Variants in TFCP2L1 observed in about 807,000 individuals in gnomAD.
The protein encoded by TFCP2L1 is transcription factor CP2-like protein 1.
Under a neutral mutation model 72.2 loss-of-function variants are expected in TFCP2L1, and 12 were observed. That is an observed-to-expected ratio of 0.17 (90% confidence interval 0.11 to 0.27). The LOEUF is 0.27. TFCP2L1 is among the 10% of genes least tolerant of loss of function. The pLI is 1.00. For missense variants in TFCP2L1, 488 were observed against 624.6 expected, an observed-to-expected ratio of 0.78 and a Z score of 2.33; for synonymous variants, 260 against 251.0, an observed-to-expected ratio of 1.04 and a Z score of -0.34.
intron 6 of TFCP2L1, among the ~76,000 whole-genome samples, chr2:121,243,864 A>T (rs1455728247): frequency 1.3e-5 from 2 of 152,194 alleles, no homozygotes; most frequent in Non-Finnish European, 2.9e-5. Flanking sequence ...AGTGCACAAC[A>T]AATGTAATGC....
intron 2 of TFCP2L1, among the ~76,000 whole-genome samples, chr2:121,251,518 A>G (rs936748297): frequency 6.6e-6 from 1 of 152,238 alleles, no homozygotes; most frequent in Non-Finnish European, 1.5e-5. Flanking sequence ...ATTGGATTAA[A>G]AAGTCAATTT....
chr2:121,256,871 G>A (rs1459601287), intron 2 of TFCP2L1, among the ~76,000 whole-genome samples: 3 of 152,214 alleles, frequency 2.0e-5, no homozygotes, highest in Admixed American at 1.3e-4. Context: ...CAGGAGAACC[G>A]CTTGAACCCG....
Position 121,246,764 on chromosome 2 carries a change from G to T in TFCP2L1, c.657+54C>A. 1.9e-6 allele frequency: 3 copies of T among 1,606,226 alleles called. No homozygotes were observed. In the South Asian group the frequency reaches 3.3e-5, roughly 18 times the overall value. Reference sequence around the variant, plus strand: ...CTCCAGGGTCTCTGTGGGCGAATGTGACCACAGGCCAGGCCAGCAGCAGGG... The same window carrying T: ...CTCCAGGGTCTCTGTGGGCGAATGTTACCACAGGCCAGGCCAGCAGCAGGG... On this transcript the variant is annotated intron_variant, in intron 6 of 14. Transcript: ENST00000263707.
At chr2:121,235,413 G>A in intron 10 of TFCP2L1, 102 bp from the exon 11 acceptor site, 40 of 1,101,308 alleles carry the variant, frequency 3.6e-5, no homozygotes, top group South Asian at 9.6e-5. Flanking sequence ...TGGGGGGTGG[G>A]GAAGAGCCAG....
rs1685868745 is a variant in TFCP2L1 at position 121,218,255 on chromosome 2, C to T, written c.*6086G>A. The T allele has an allele frequency of 6.6e-6, 1 of 152,136 alleles. No individual in the cohort carries two copies. The highest frequency in any genetic ancestry group is 1.5e-5 in the Non-Finnish European group (1 of 68,024). 9.4% of individuals were successfully genotyped at this position (152,136 alleles called of 1,614,324 possible). On this transcript the variant is annotated 3_prime_UTR_variant, in exon 15 of 15. Transcript: ENST00000263707. ...AAATCCAAAATACAATAATTGAGTA[C>T]ATATTTTTGGTAAATACATGTCTAC... is the stretch of plus-strand genomic sequence containing the variant.
intron 8 of TFCP2L1, among the ~76,000 whole-genome samples, chr2:121,238,142 C>T (rs7594148): frequency 0.14 from 21,234 of 152,126 alleles, 3,149 homozygotes; most frequent in African/African-American, 0.37. Flanking sequence ...CAGGCCCCTG[C>T]TGGCTGACCC....
intron 12 of TFCP2L1, 60 bp downstream of exon 12, chr2:121,234,031 C>T (rs557709877): frequency 6.7e-7 from 1 of 1,490,038 alleles, no homozygotes; most frequent in Admixed American, 1.7e-5. Flanking sequence ...AGACTGCGGG[C>T]TTGAAAGCCA....
intron 2 of TFCP2L1, among the ~76,000 whole-genome samples, chr2:121,276,668 T>C (rs1687154501): frequency 1.3e-5 from 2 of 150,678 alleles, no homozygotes; most frequent in South Asian, 4.2e-4. Flanking sequence ...ACAAAAAAAG[T>C]TTCAGAATTG....
At chr2:121,225,475 G>T in intron 14 of TFCP2L1, 87 bp downstream of exon 14, 2 of 1,276,336 alleles carry the variant, frequency 1.6e-6, no homozygotes, top group Non-Finnish European at 2.3e-6. Context: ...TCCCAGGTCA[G>T]CACTCTCTGG....
Position 121,217,916 on chromosome 2 carries a change from G to C in TFCP2L1, c.*6425C>G, listed in dbSNP as rs1377021637. The C allele has an allele frequency of 2.6e-5, 4 of 152,260 alleles. No homozygotes were observed. Among genetic ancestry groups the C allele is most frequent in the Non-Finnish European group, 4.4e-5 (3 of 68,056 alleles). 9.4% of individuals were successfully genotyped at this position (152,260 alleles called of 1,614,324 possible). On this transcript the variant is annotated 3_prime_UTR_variant, in exon 15 of 15. Transcript: ENST00000263707. Reference sequence around the variant, plus strand: ...CAGCTGAAGCACCAGAACCTTCCAAGGGGGGCTCGCCAGCCACACAGGACA... The same window carrying C: ...CAGCTGAAGCACCAGAACCTTCCAACGGGGGCTCGCCAGCCACACAGGACA...
intron 6 of TFCP2L1, among the ~76,000 whole-genome samples, chr2:121,246,162 T>C (rs1686476644): frequency 6.6e-6 from 1 of 152,186 alleles, no homozygotes. Context: ...GCCCTGAGAA[T>C]GATGCAAGCT....
intron 2 of TFCP2L1, among the ~76,000 whole-genome samples, chr2:121,251,331 A>C (rs781154630): frequency 5.3e-5 from 8 of 151,970 alleles, no homozygotes; most frequent in African/African-American, 7.3e-5. Context: ...ATCTGATGGA[A>C]CCATGGTACA....
chr2:121,257,286 G>A (rs1453366568), intron 2 of TFCP2L1, among the ~76,000 whole-genome samples: 1 of 151,370 alleles, frequency 6.6e-6, no homozygotes, highest in Non-Finnish European at 1.5e-5. Flanking sequence ...CTCCCCTACA[G>A]CTATAGCCCG....
intron 13 of TFCP2L1, among the ~76,000 whole-genome samples, chr2:121,228,950 C>T (rs1057463846): frequency 6.6e-6 from 1 of 151,964 alleles, no homozygotes; most frequent in African/African-American, 2.4e-5. Flanking sequence ...GATGGAGTCT[C>T]GCTCTGTTGC....
At chr2:121,273,760 A>G (rs1215856606) in intron 2 of TFCP2L1, among the ~76,000 whole-genome samples, 2 of 152,238 alleles carry the variant, frequency 1.3e-5, no homozygotes, top group African/African-American at 4.8e-5. Context: ...TAACTACCAT[A>G]GAGGCTTATA....
chr2:121,282,579 C>T (rs1687287016), intron 1 of TFCP2L1, among the ~76,000 whole-genome samples: 1 of 151,362 alleles, frequency 6.6e-6, no homozygotes, highest in Non-Finnish European at 1.5e-5. Flanking sequence ...AATGCCCTTA[C>T]AAGGGACAAA....
At chr2:121,240,716 G>A (rs190124723) in intron 7 of TFCP2L1, 2 of 985,390 alleles carry the variant, frequency 2.0e-6, no homozygotes, top group East Asian at 1.1e-4. Flanking sequence ...GTATCAGGAG[G>A]TGGGGAACAC....
At chr2:121,260,412 T>C (rs1051032201) in intron 2 of TFCP2L1, among the ~76,000 whole-genome samples, 2 of 152,196 alleles carry the variant, frequency 1.3e-5, no homozygotes, top group Non-Finnish European at 2.9e-5. Context: ...TTAAATGAGA[T>C]AATGTACTTC....
chr2:121,234,462 T>G (rs1250002941), intron 11 of TFCP2L1, among the ~76,000 whole-genome samples: 8 of 152,186 alleles, frequency 5.3e-5, no homozygotes, highest in Admixed American at 5.2e-4. Context: ...TTGCTGTGTA[T>G]CAGGTATTGT....
Sources: gnomAD v4.1 joint callset for allele counts (sites outside exome capture counted in the v4.1 genomes callset) on GRCh38, gnomAD v4.1.1 for gene constraint, MANE v1.5 for transcripts, NCBI Gene and HGNC (gene_info 2026-07-23, HGNC 2026-07-21) for gene names.